The following RPA2 variants were observed in gnomAD, a reference collection of about 807,000 sequenced individuals.
The protein encoded by RPA2 is replication protein A 32 kDa subunit.
Under a neutral mutation model 33.4 loss-of-function variants are expected in RPA2, and 22 were observed. That is an observed-to-expected ratio of 0.66 (90% CI 0.47 to 0.94). RPA2 has a LOEUF of 0.94. RPA2 is among the 40% of genes least tolerant of loss of function. RPA2 has a pLI of 0.00. For missense variants in RPA2, 279 were observed against 329.9 expected (o/e 0.85, Z 1.19); for synonymous variants, 109 against 114.9 (o/e 0.95, Z 0.33).
At chr1:27,896,133 C>T (rs1370356229) in intron 6 of RPA2, among the ~76,000 whole-genome samples, 1 of 152,150 alleles carries the variant, frequency 6.6e-6, no homozygotes. Flanking sequence ...CACTGCTATA[C>T]TCGAATGCCG....
chr1:27,914,679 T>A, upstream of RPA2: 1 of 1,612,864 alleles, frequency 6.2e-7, no homozygotes, highest in Non-Finnish European at 8.5e-7. Flanking sequence ...AAACGCGTAC[T>A]GCGCTCCCAG....
In RPA2 at chr1:27,894,058, G is replaced by C. The variant is rs765037324; in HGVS notation, c.682C>G (p.Gln228Glu). The change falls in exon 8 of 9, where the codon CAG becomes GAG. Residue 228 changes from glutamine to glutamate, a missense_variant. Transcript: ENST00000373912. ...ACPRPEGLNFQDLKNQLKHMS... is the reference protein window; with the variant it reads ...ACPRPEGLNFEDLKNQLKHMS... ...TGTTTCAGCTGGTTCTTGAGATCCT[G>C]AAAGTTCAACCCTTCAGGTCTTGGA... The C allele has an allele frequency of 2.5e-6, 4 of 1,614,138 alleles. No homozygotes were observed. The South Asian group carries it at 4.4e-5, about 18-fold the overall frequency.
intron 2 of RPA2, among the ~76,000 whole-genome samples, chr1:27,909,450 G>C (rs1372084620): frequency 2.0e-5 from 3 of 152,142 alleles, no homozygotes; most frequent in East Asian, 1.9e-4. Context: ...AGGCGTGGTG[G>C]GTAACGCCTG....
intron 4 of RPA2, among the ~76,000 whole-genome samples, chr1:27,899,816 G>T (rs2089944396): frequency 6.6e-6 from 1 of 152,020 alleles, no homozygotes; most frequent in Non-Finnish European, 1.5e-5. Flanking sequence ...TAGTAGCTGG[G>T]ACTACAGGCG....
At chr1:27,903,211 G>A (rs966973904) in intron 4 of RPA2, among the ~76,000 whole-genome samples, 4 of 152,146 alleles carry the variant, frequency 2.6e-5, no homozygotes, top group Admixed American at 6.6e-5. Flanking sequence ...TTACAGGCGT[G>A]AGCCACGACG....
In RPA2 at chr1:27,897,768, C is replaced by T. The variant is rs1416472199; in HGVS notation, c.334-61G>A. The T allele has an allele frequency of 1.6e-5, 20 of 1,221,636 alleles. No individual in the cohort carries two copies. In the South Asian group the frequency reaches 2.3e-4, roughly 14 times the overall value. 75.7% of individuals were successfully genotyped at this position (1,221,636 alleles called of 1,614,324 possible). A position where few individuals can be genotyped will look rare whatever the true frequency, so the allele number is the denominator to read the frequency against. On this transcript the variant is annotated intron_variant, in intron 4 of 8. Transcript: ENST00000373912. ...GTGATGCTGGTAAAAGCCTCTTTAACGTTTCTATATTATGTATAGAAAGAG... is the reference window on the plus strand; with the variant it reads ...GTGATGCTGGTAAAAGCCTCTTTAATGTTTCTATATTATGTATAGAAAGAG...
chr1:27,907,211 C>T lies in RPA2; in HGVS notation c.189G>A (p.Val63=), dbSNP rs761941067. The change falls in exon 3 of 9, where the codon GTG becomes GTA. Residue 63 remains valine, a synonymous_variant. Transcript: ENST00000373912. The part of the protein sequence containing the change: ...QLLSATLVDE[V]FRIGNVEISQ... ...AAATCTCAACATTCCCAATTCTGAA[C>T]ACTTCATCAACCAAAGTGGCAGAAA... is the stretch of plus-strand genomic sequence containing the variant. The T allele has an allele frequency of 3.7e-6, 6 of 1,613,868 alleles. No individual in the cohort carries two copies. In the African/African-American group the frequency reaches 5.3e-5, roughly 14 times the overall value.
chr1:27,901,996 C>A (rs527644683), intron 4 of RPA2, among the ~76,000 whole-genome samples: 2 of 142,604 alleles, frequency 1.4e-5, no homozygotes, highest in Admixed American at 7.0e-5. Flanking sequence ...AAAAACCCCA[C>A]AAATTGACAT....
At chr1:27,900,075 T>C (rs1351328012) in intron 4 of RPA2, among the ~76,000 whole-genome samples, 2 of 152,096 alleles carry the variant, frequency 1.3e-5, no homozygotes, top group African/African-American at 4.8e-5. Context: ...TCCCAAAGTG[T>C]TGGGATTACA....
In RPA2 at chr1:27,914,453, G is replaced by C. The variant is rs771702049; in HGVS notation, c.-10C>G. 1.3e-6 allele frequency: 2 copies of C among 1,593,472 alleles called. No homozygotes were observed. Among genetic ancestry groups the C allele is most frequent in the South Asian group, 1.1e-5 (1 of 88,486 alleles). On this transcript the variant is annotated 5_prime_UTR_variant, in exon 1 of 9. The change creates a new upstream start codon in the 5' untranslated region. Transcript: ENST00000373912. ...CATTACTGTTCCACATCTTGGTCAC[G>C]ATTCTCCGCAAAGAGGCCGAGAAGG...
intron 4 of RPA2, among the ~76,000 whole-genome samples, chr1:27,900,431 G>C (rs1438688902): frequency 6.6e-6 from 1 of 151,520 alleles, no homozygotes; most frequent in Non-Finnish European, 1.5e-5. Context: ...TTTTTAATCT[G>C]AAGTATATAT....
At chr1:27,908,182 A>G (rs1343463008) in intron 2 of RPA2, among the ~76,000 whole-genome samples, 1 of 151,872 alleles carries the variant, frequency 6.6e-6, no homozygotes, top group Non-Finnish European at 1.5e-5. Flanking sequence ...GCTGGAGTGC[A>G]GTGGCATTAC....
At chr1:27,895,027 A>T (rs554195829) in intron 6 of RPA2, among the ~76,000 whole-genome samples, 5 of 151,510 alleles carry the variant, frequency 3.3e-5, no homozygotes, top group Admixed American at 6.6e-5. Context: ...TGCTGACCAC[A>T]CTCCTCTTGA....
chr1:27,912,649 C>G (rs1268036853), intron 2 of RPA2, among the ~76,000 whole-genome samples: 1 of 152,164 alleles, frequency 6.6e-6, no homozygotes, highest in Non-Finnish European at 1.5e-5. Context: ...AGAACCACCC[C>G]GTGACATGAG....
intron 2 of RPA2, among the ~76,000 whole-genome samples, chr1:27,911,496 G>A (rs1181283750): frequency 6.6e-6 from 1 of 152,208 alleles, no homozygotes. Context: ...GAGAAAAATA[G>A]TTAAGCTTGG....
chr1:27,906,898 C>T, intron 4 of RPA2, 30 bp downstream of exon 4: 1 of 1,485,722 alleles, frequency 6.7e-7, no homozygotes, highest in Non-Finnish European at 9.3e-7. Context: ...TCCAAAGTAA[C>T]CCCATCATGA....
In RPA2 at chr1:27,897,785, T is replaced by C. The variant is rs28904887; in HGVS notation, c.334-78A>G. 1.7e-3 allele frequency: 1,784 copies of C among 1,039,264 alleles called. 16 individuals are homozygous for C. The highest frequency in any genetic ancestry group is 0.017 in the African/African-American group (1,036 of 61,066). The allele number at this position is 1,039,264 out of a possible 1,614,324, so 64.4% of individuals were successfully genotyped here. A position where few individuals can be genotyped will look rare whatever the true frequency, so the allele number is the denominator to read the frequency against. On this transcript the variant is annotated intron_variant, in intron 4 of 8. Coordinates refer to ENST00000373912, the MANE Select transcript of RPA2 (RefSeq NM_002946.5). ...CTCTTTAACGTTTCTATATTATGTA[T>C]AGAAAGAGAAAGTTACGAAGTAGAA...
chr1:27,899,239 T>G (rs966177816), intron 4 of RPA2, among the ~76,000 whole-genome samples: 28 of 151,884 alleles, frequency 1.8e-4, no homozygotes, highest in Admixed American at 1.8e-3. Flanking sequence ...GTGGGCACAG[T>G]GGCTCACGCC....
chr1:27,909,248 G>A (rs1211189783), intron 2 of RPA2, among the ~76,000 whole-genome samples: 3 of 152,206 alleles, frequency 2.0e-5, no homozygotes, highest in Non-Finnish European at 4.4e-5. Flanking sequence ...GGATTTAGCA[G>A]TCGCAACTCT....
Sources: allele counts gnomAD v4.1 joint callset (sites outside exome capture counted in the v4.1 genomes callset), GRCh38; gene constraint gnomAD v4.1.1; transcripts MANE v1.5; gene names NCBI Gene and HGNC (gene_info 2026-07-23, HGNC 2026-07-21).